MAP6: variants seen among roughly 807,000 people sequenced by gnomAD.
MAP6 encodes the protein microtubule-associated protein 6.
MAP6 carries 26 observed loss-of-function variants against 42.4 expected under a neutral mutation model. The observed-to-expected ratio is 0.61, with a 90% CI of 0.45 to 0.85. The LOEUF (loss-of-function observed/expected upper bound fraction) is 0.85, where lower values mean the gene tolerates loss of function less well. MAP6 is among the 40% of genes least tolerant of loss of function. The pLI is 0.00. For missense variants in MAP6, 966 were observed against 1,099.0 expected, an observed-to-expected ratio of 0.88 and a Z score of 1.71; for synonymous variants, 418 against 443.8, an observed-to-expected ratio of 0.94 and a Z score of 0.73.
At position 75,605,912 on chromosome 11, in the gene MAP6, T is replaced by G. The variant is rs760605113; in HGVS notation, c.1212A>C (p.Ser404=). ...CGCTCTTTTTCTTGGCAGCCTGGCC[T>G]GACACCGCCTGCTTGTCTTTGGCCT... is the stretch of plus-strand genomic sequence containing the variant. ...TRKAKDKQAV[S]GQAAKKKSAE... The change falls in exon 3 of 4, where the codon TCA becomes TCC. Residue 404 remains serine (S), a synonymous_variant. Coordinates refer to ENST00000304771, the MANE Select transcript of MAP6 (RefSeq NM_033063.2). The G allele has an allele frequency of 3.1e-6, 5 of 1,614,186 alleles. No individual in the cohort carries two copies. The South Asian group carries it at 4.4e-5, about 14-fold the overall frequency.
intron 1 of MAP6, among the ~76,000 whole-genome samples, chr11:75,625,278 T>G (rs2135622468): frequency 6.6e-6 from 1 of 152,326 alleles, no homozygotes; most frequent in South Asian, 2.1e-4. Context: ...CATCATGTCA[T>G]GTGCATTCAG....
At chr11:75,648,846 A>G (rs552683449) in intron 1 of MAP6, among the ~76,000 whole-genome samples, 17 of 152,328 alleles carry the variant, frequency 1.1e-4, no homozygotes, top group African/African-American at 3.6e-4. Flanking sequence ...TCTTAATTTG[A>G]CTCAAAATCA....
In MAP6 at chr11:75,658,209, T is replaced by C. The variant is rs138805414; in HGVS notation, c.905+9256A>G. ...TGGAATTTCTGGGTCATGGTAAATG[T>C]ATGTTTAGCTTGAATAGATAATGCT... On this transcript the variant is annotated intron_variant, in intron 1 of 3. Coordinates refer to ENST00000304771, the MANE Select transcript of MAP6 (RefSeq NM_033063.2). 2.4e-4 allele frequency among the ~76,000 whole-genome samples: 37 copies of C among 152,342 alleles called. No homozygotes were observed. In the East Asian group the frequency reaches 6.6e-3, roughly 27 times the overall value.
chr11:75,643,009 T>C, intron 1 of MAP6: 1 of 345,614 alleles, frequency 2.9e-6, no homozygotes. Flanking sequence ...CAAATAGTAA[T>C]CAAGCCTGTA....
rs547858999 is a variant in MAP6, at chr11:75,658,904, T to G, written c.905+8561A>C. On this transcript the variant is annotated intron_variant, in intron 1 of 3. Coordinates refer to ENST00000304771, the MANE Select transcript of MAP6 (RefSeq NM_033063.2). ...CCAACAACCCTCAAATCAGGCAGAC[T>G]TAACCCCTCTCTTCTCTGTGCTCCA... is the stretch of plus-strand genomic sequence containing the variant. 5.6e-4 allele frequency among the ~76,000 whole-genome samples: 85 copies of G among 152,322 alleles called. No individual in the cohort carries two copies. The South Asian group carries it at 0.011, about 19-fold the overall frequency.
At chr11:75,594,450 T>G (rs1366211121) in intron 3 of MAP6, 1 of 152,232 alleles carries the variant, frequency 6.6e-6, no homozygotes, top group African/African-American at 2.4e-5. Context: ...ATTATTCTTA[T>G]GAAGAATCTG....
intron 3 of MAP6, among the ~76,000 whole-genome samples, chr11:75,595,691 T>C (rs1250957738): frequency 6.6e-6 from 1 of 152,132 alleles, no homozygotes; most frequent in African/African-American, 2.4e-5. Flanking sequence ...TCTGAGCCTC[T>C]ACTTCCTTTT....
intron 1 of MAP6, among the ~76,000 whole-genome samples, chr11:75,652,955 A>G (rs1307088781): frequency 6.6e-6 from 1 of 152,042 alleles, no homozygotes; most frequent in East Asian, 1.9e-4. Flanking sequence ...GGACAGGAAC[A>G]CTCCGACTGC....
chr11:75,662,839 A>G (rs959125077), intron 1 of MAP6, among the ~76,000 whole-genome samples: 1 of 152,154 alleles, frequency 6.6e-6, no homozygotes, highest in African/African-American at 2.4e-5. Flanking sequence ...ACTGATTCCA[A>G]TGTGTAGCCA....
At chr11:75,626,619 C>T (rs1273795872) in intron 1 of MAP6, among the ~76,000 whole-genome samples, 5 of 152,154 alleles carry the variant, frequency 3.3e-5, no homozygotes, top group Non-Finnish European at 7.3e-5. Flanking sequence ...TTATTGAGTG[C>T]CTGCAGCAAT....
At chr11:75,659,338 C>T (rs1379388318) in intron 1 of MAP6, among the ~76,000 whole-genome samples, 2 of 152,114 alleles carry the variant, frequency 1.3e-5, no homozygotes, top group Non-Finnish European at 2.9e-5. Context: ...AAAAATTACC[C>T]AGGCGTGGTG....
chr11:75,642,249 G>A (rs1943483645), intron 1 of MAP6, among the ~76,000 whole-genome samples: 1 of 152,184 alleles, frequency 6.6e-6, no homozygotes, highest in African/African-American at 2.4e-5. Flanking sequence ...TGGGCATATT[G>A]ACACCCTGGA....
Position 75,605,940 on chromosome 11 carries a change from C to T in MAP6, c.1184G>A (p.Arg395Lys), listed in dbSNP as rs750764661. 5 of 1,614,006 alleles carry T rather than the reference C, an allele frequency of 3.1e-6. No homozygotes were observed. In the African/African-American group the frequency reaches 5.3e-5, roughly 17 times the overall value. ...KKTSASHKPTRKAKDKQAVSG... is the reference protein window; with the variant it reads ...KKTSASHKPTKKAKDKQAVSG... ...CACCGCCTGCTTGTCTTTGGCCTTC[C>T]TCGTGGGCTTATGGCTCGCTGAGGT... The change falls in exon 3 of 4, where the codon AGG becomes AAG. Residue 395 changes from arginine (R) to lysine (K), a missense_variant. This residue lies in a region of MAP6 where 943 missense variants were observed against 1,049.9 expected (regional missense o/e 0.90). Coordinates refer to ENST00000304771, the MANE Select transcript of MAP6 (RefSeq NM_033063.2).
chr11:75,663,639 G>C (rs1005318374), intron 1 of MAP6, among the ~76,000 whole-genome samples: 1 of 152,190 alleles, frequency 6.6e-6, no homozygotes, highest in African/African-American at 2.4e-5. Context: ...AAAGTAAAAA[G>C]GGAATAGAAG....
At chr11:75,592,103 T>C (rs1454177060) in intron 3 of MAP6, among the ~76,000 whole-genome samples, 1 of 152,218 alleles carries the variant, frequency 6.6e-6, no homozygotes, top group Non-Finnish European at 1.5e-5. Flanking sequence ...CCGGGCTGTC[T>C]GTTTCTGCTT....
Position 75,622,041 on chromosome 11 carries a change from AAAC to A in MAP6, c.906-13722_906-13720del, listed in dbSNP as rs530605921. On this transcript the variant is annotated intron_variant, in intron 1 of 3. Coordinates refer to ENST00000304771, the MANE Select transcript of MAP6 (RefSeq NM_033063.2). Reference sequence around the variant, plus strand: ...CCATCTCAAAAAAACCAAAAAAACAAAACAACAACAACAAAAAAACCCAATAAA... The same window carrying A: ...CCATCTCAAAAAAACCAAAAAAACAAAACAACAACAAAAAAACCCAATAAA... Among the ~76,000 whole-genome samples, 17 of 152,070 alleles carry A rather than the reference AAAC, an allele frequency of 1.1e-4. No homozygotes were observed. The South Asian group carries it at 1.7e-3, about 15-fold the overall frequency.
At chr11:75,614,932 G>A (rs1462764654) in intron 1 of MAP6, among the ~76,000 whole-genome samples, 2 of 152,348 alleles carry the variant, frequency 1.3e-5, no homozygotes, top group East Asian at 3.9e-4. Flanking sequence ...ATGGAGAGAA[G>A]TCATACTCTG....
intron 1 of MAP6, among the ~76,000 whole-genome samples, chr11:75,654,146 G>A (rs1412010179): frequency 1.3e-5 from 2 of 152,106 alleles, no homozygotes; most frequent in African/African-American, 4.8e-5. Flanking sequence ...TACCACTAAG[G>A]AAACAAAATC....
At chr11:75,648,229 C>T (rs1943593483) in intron 1 of MAP6, among the ~76,000 whole-genome samples, 1 of 152,160 alleles carries the variant, frequency 6.6e-6, no homozygotes, top group African/African-American at 2.4e-5. Flanking sequence ...TGCAGTGGCT[C>T]AAGCTTGTAA....
Sources: allele counts gnomAD v4.1 joint callset (sites outside exome capture counted in the v4.1 genomes callset), GRCh38; gene constraint gnomAD v4.1.1; regional missense constraint gnomAD v4.1.1; transcripts MANE v1.5; gene names NCBI Gene and HGNC (gene_info 2026-07-23, HGNC 2026-07-21).